Variants in CLPB observed in about 807,000 individuals in gnomAD.
The protein encoded by CLPB is ClpB family mitochondrial disaggregase.
Under a neutral mutation model 78.4 loss-of-function variants are expected in CLPB, and 40 were observed. The observed-to-expected ratio is 0.51, with a 90% CI of 0.40 to 0.66. The LOEUF (loss-of-function observed/expected upper bound fraction) is 0.66. Among genes scored for constraint, CLPB ranks in the 30% least tolerant of loss-of-function variants. The pLI is 0.00. For synonymous variants in CLPB, 333 were observed against 348.0 expected, an observed-to-expected ratio of 0.96 and a Z score of 0.48; for missense variants, 780 against 886.9, an observed-to-expected ratio of 0.88 and a Z score of 1.53.
At chr11:72,334,687 G>A (rs541075560) in intron 5 of CLPB, among the ~76,000 whole-genome samples, 6 of 152,180 alleles carry the variant, frequency 3.9e-5, no homozygotes, top group Non-Finnish European at 8.8e-5. Flanking sequence ...GGGCCCCTTC[G>A]GGCCAAGCAG....
At chr11:72,307,999 G>A (rs1188704593) in intron 8 of CLPB, among the ~76,000 whole-genome samples, 3 of 152,184 alleles carry the variant, frequency 2.0e-5, no homozygotes, top group African/African-American at 7.2e-5. Context: ...GAAGGAATGG[G>A]GGGGTTCTGT....
chr11:72,339,554 G>A (rs753717014), intron 5 of CLPB, among the ~76,000 whole-genome samples: 17 of 152,180 alleles, frequency 1.1e-4, no homozygotes, highest in Admixed American at 7.2e-4. Context: ...ATGGACAACC[G>A]CTTAGGAGGT....
intron 5 of CLPB, among the ~76,000 whole-genome samples, chr11:72,330,178 C>T (rs1439362265): frequency 6.6e-6 from 1 of 152,196 alleles, no homozygotes; most frequent in Admixed American, 6.5e-5. Flanking sequence ...ATTCATGAAG[C>T]CATATAAAGG....
At chr11:72,382,052 C>T (rs997582648) in intron 3 of CLPB, among the ~76,000 whole-genome samples, 2 of 152,108 alleles carry the variant, frequency 1.3e-5, no homozygotes, top group Non-Finnish European at 2.9e-5. Flanking sequence ...TCTGCACATC[C>T]AGGCTCTTGA....
chr11:72,377,651 AGGGGAAGG>A (rs1213412816), intron 4 of CLPB, among the ~76,000 whole-genome samples: 4 of 131,378 alleles, frequency 3.0e-5, no homozygotes, highest in African/African-American at 9.1e-5. Context: ...AGGGAAGCAA[AGGGGAAGG>A]GAAGGGGAAG....
At chr11:72,358,825 ACCCCACCCCTCTTCCACTTCCC>A in intron 5 of CLPB, 33 bp downstream of exon 5, 1 of 12,358 alleles carries the variant, frequency 8.1e-5, no homozygotes, top group Admixed American at 9.1e-4. Context: ...CACCCCCCCC[ACCCCACCCCTCTTCCACTTCCC>A]CCACCCCACC....
intron 2 of CLPB, among the ~76,000 whole-genome samples, chr11:72,424,952 T>C (rs1856327544): frequency 6.6e-6 from 1 of 151,802 alleles, no homozygotes. Flanking sequence ...GGCATGCACC[T>C]CTAATTCCAG....
intron 1 of CLPB, 26 bp from the exon 2 acceptor site, chr11:72,430,389 G>T: frequency 6.2e-7 from 1 of 1,610,086 alleles, no homozygotes; most frequent in Non-Finnish European, 8.5e-7. Flanking sequence ...GCACTGGTCA[G>T]ATCCGCGGCC....
intron 4 of CLPB, among the ~76,000 whole-genome samples, chr11:72,364,298 C>T (rs545974174): frequency 6.6e-6 from 1 of 152,214 alleles, no homozygotes; most frequent in South Asian, 2.1e-4. Context: ...GCAACCACTG[C>T]AACAATCCAA....
chr11:72,306,574 A>C (rs1212644316), intron 9 of CLPB, among the ~76,000 whole-genome samples: 1 of 152,152 alleles, frequency 6.6e-6, no homozygotes, highest in Admixed American at 6.5e-5. Flanking sequence ...GTGAACAAAC[A>C]GGGGATGGGG....
In CLPB at chr11:72,403,375, C is replaced by T. The variant is rs1199877502; in HGVS notation, c.456-323G>A. On this transcript the variant is annotated intron_variant, in intron 2 of 15. Coordinates refer to ENST00000538039, the MANE Select transcript of CLPB (RefSeq NM_001258392.3). ...CCTTTGAGAAAAGAATGGTCCCTCC[C>T]TAACTTAATACTCTGACACTGTCAC... Among the ~76,000 whole-genome samples the T allele has an allele frequency of 2.0e-5, 3 of 152,192 alleles. No homozygotes were observed. The East Asian group carries it at 5.8e-4, about 29-fold the overall frequency.
At chr11:72,406,860 T>G (rs1425455492) in intron 2 of CLPB, among the ~76,000 whole-genome samples, 1 of 152,194 alleles carries the variant, frequency 6.6e-6, no homozygotes, top group African/African-American at 2.4e-5. Flanking sequence ...TTTCCTTCCC[T>G]CCTTCCTTCT....
At chr11:72,399,163 C>T (rs975363665) in intron 3 of CLPB, among the ~76,000 whole-genome samples, 1 of 151,602 alleles carries the variant, frequency 6.6e-6, no homozygotes, top group Non-Finnish European at 1.5e-5. Flanking sequence ...TACTCAATTT[C>T]CCTAATTACT....
intron 6 of CLPB, among the ~76,000 whole-genome samples, chr11:72,321,114 G>A (rs1950036490): frequency 6.6e-6 from 1 of 152,118 alleles, no homozygotes; most frequent in Admixed American, 6.5e-5. Flanking sequence ...TGGAGAAGAG[G>A]AGAAAGAAGG....
At chr11:72,387,242 G>C (rs1437876974) in intron 3 of CLPB, among the ~76,000 whole-genome samples, 1 of 152,192 alleles carries the variant, frequency 6.6e-6, no homozygotes, top group Admixed American at 6.5e-5. Context: ...AATAATTGTA[G>C]AAGGAAGGAT....
rs2135527446 is a variant in CLPB, at chr11:72,317,106, C to T, written c.988G>A (p.Ala330Thr). The change falls in exon 7 of 16, where the codon GCG becomes ACG. Residue 330 changes from alanine to threonine, a missense_variant and splice_region_variant. By Grantham distance (58) the Ala-to-Thr change is moderately conservative. This residue lies in a region of CLPB where 91 missense variants were observed against 168.2 expected (regional missense o/e 0.54). Coordinates refer to ENST00000538039, the MANE Select transcript of CLPB (RefSeq NM_001258392.3). The part of the protein sequence containing the change: ...QESAIATVGA[A>T]IRRKENGWYD... ...CCTTTCTGGTGTCCCACACACTCAC[C>T]AGCACCCACTGTGGCGATGGCGCTC... 6.2e-7 allele frequency: 1 copy of T among 1,607,296 alleles called. No homozygotes were observed. The highest frequency in any genetic ancestry group is 8.5e-7 in the Non-Finnish European group (1 of 1,176,914).
chr11:72,338,714 G>A (rs1950365723), intron 5 of CLPB, among the ~76,000 whole-genome samples: 1 of 152,208 alleles, frequency 6.6e-6, no homozygotes, highest in Non-Finnish European at 1.5e-5. Flanking sequence ...CATAGGTCTT[G>A]TCTCCACAAT....
intron 4 of CLPB, among the ~76,000 whole-genome samples, chr11:72,372,249 G>A (rs1049468579): frequency 3.9e-5 from 6 of 152,196 alleles, no homozygotes; most frequent in African/African-American, 1.4e-4. Context: ...CTGACATTCC[G>A]TTAAGAATAT....
At chr11:72,432,146 A>G (rs1262695881) in intron 1 of CLPB, among the ~76,000 whole-genome samples, 3 of 151,940 alleles carry the variant, frequency 2.0e-5, no homozygotes, top group African/African-American at 7.3e-5. Context: ...TTATCCTCCA[A>G]CCAAGCTGGC....
Sources: allele counts gnomAD v4.1 joint callset (sites outside exome capture counted in the v4.1 genomes callset), GRCh38; gene constraint gnomAD v4.1.1; regional missense constraint gnomAD v4.1.1; transcripts MANE v1.5; gene names NCBI Gene and HGNC (gene_info 2026-07-23, HGNC 2026-07-21).